The following NELFB variants were observed in gnomAD, a reference collection of about 807,000 sequenced individuals.
NELFB encodes the protein negative elongation factor complex member B.
Under a neutral mutation model 60.2 loss-of-function variants are expected in NELFB, and 34 were observed. That is an observed-to-expected ratio of 0.56 (90% CI 0.43 to 0.75). NELFB has a LOEUF of 0.75. NELFB is among the 30% of genes least tolerant of loss of function. NELFB has a pLI of 0.00. For missense variants in NELFB, 770 were observed against 831.6 expected, an observed-to-expected ratio of 0.93 and a Z score of 0.91; for synonymous variants, 459 against 382.1, an observed-to-expected ratio of 1.20 and a Z score of -2.35.
chr9:137,271,108 G>A (rs772085702), intron 10 of NELFB, among the ~76,000 whole-genome samples: 9 of 152,236 alleles, frequency 5.9e-5, no homozygotes, highest in Non-Finnish European at 1.2e-4. Context: ...CGCAGTCTTG[G>A]GTTCCCCGGA....
intron 4 of NELFB, among the ~76,000 whole-genome samples, chr9:137,257,845 G>T (rs9721495): frequency 0.67 from 100,302 of 148,954 alleles, 34,438 homozygotes; most frequent in Admixed American, 0.77. Context: ...GTCTCACTCT[G>T]TTGCACAGGC....
In NELFB at chr9:137,255,886, GGTTTC is replaced by G; in HGVS notation, c.247-20_247-16del. 6.2e-7 allele frequency: 1 copy of G among 1,611,220 alleles called. No individual in the cohort carries two copies. Among genetic ancestry groups the G allele is most frequent in the Non-Finnish European group, 8.5e-7 (1 of 1,178,044 alleles). On this transcript the variant is annotated splice_polypyrimidine_tract_variant and intron_variant, in intron 1 of 12. Coordinates refer to ENST00000343053, the MANE Select transcript of NELFB (RefSeq NM_015456.5). ...CCCGGGCGCACTGGGCTGCGTTTGA[GGTTTC>G]TCTTGGCTTCCTCAGACAGAGAATG...
chr9:137,267,330 C>T lies in NELFB; in HGVS notation c.1473C>T (p.Arg491=). 1 of 1,610,758 alleles carries T rather than the reference C, an allele frequency of 6.2e-7. No individual in the cohort carries two copies. Among genetic ancestry groups the T allele is most frequent in the Non-Finnish European group, 8.5e-7 (1 of 1,178,704 alleles). ...AGAGGAACAAGAACGCGCTCCTCCG[C>T]CTGCTGCCCGGGCTGGGTAAGTCCT... The change falls in exon 10 of 13, where the codon CGC becomes CGT. Residue 491 remains arginine, a synonymous_variant. Transcript: ENST00000343053.
At position 137,273,194 on chromosome 9, in the gene NELFB, G is replaced by T; in HGVS notation, c.*266G>T. ...GCGTGCTCATTTTCTGTTTTCCTGT[G>T]TTAGGAAAAAACCACCTGTTTTCCA... On this transcript the variant is annotated 3_prime_UTR_variant, in exon 13 of 13. Coordinates refer to ENST00000343053, the MANE Select transcript of NELFB (RefSeq NM_015456.5). 1 of 328,312 alleles carries T rather than the reference G, an allele frequency of 3.0e-6. No homozygotes were observed. Among genetic ancestry groups the T allele is most frequent in the Non-Finnish European group, 5.5e-6 (1 of 181,060 alleles). 20.3% of individuals were successfully genotyped at this position (328,312 alleles called of 1,614,324 possible).
chr9:137,258,897 A>G (rs992415219), intron 4 of NELFB, among the ~76,000 whole-genome samples: 2 of 152,196 alleles, frequency 1.3e-5, no homozygotes, highest in African/African-American at 2.4e-5. Flanking sequence ...ATTATCTTTC[A>G]GCATGTAATT....
At chr9:137,267,899 CATCCTA>C (rs1830539699) in intron 10 of NELFB, among the ~76,000 whole-genome samples, 1 of 152,204 alleles carries the variant, frequency 6.6e-6, no homozygotes, top group African/African-American at 2.4e-5. Context: ...GTCTTTATTT[CATCCTA>C]ACTGGCGAGG....
chr9:137,258,566 G>C (rs1055392775), intron 4 of NELFB, among the ~76,000 whole-genome samples: 1 of 147,988 alleles, frequency 6.8e-6, no homozygotes, highest in East Asian at 2.0e-4. Flanking sequence ...CTCCTGCCTC[G>C]GCCTCTCGAG....
At chr9:137,272,306 C>T (rs1830593464) in intron 11 of NELFB, 84 bp downstream of exon 11, 3 of 1,576,994 alleles carry the variant, frequency 1.9e-6, no homozygotes, top group Non-Finnish European at 2.6e-6. Context: ...CTGTCCCCAG[C>T]CTGGGGCGGA....
Position 137,256,951 on chromosome 9 carries a change from T to C in NELFB, c.638T>C (p.Leu213Pro). ...TTCGGGGACGAGGTTTCCCCACTCC[T>C]GAAGCAGTACATCCTGGAGAAGGAG... Residue 213 changes from leucine (L) to proline (P), a missense_variant, in exon 4 of 13, where the codon CTG becomes CCG. By Grantham distance (98) the Leu-to-Pro change is moderately conservative. Coordinates refer to ENST00000343053, the MANE Select transcript of NELFB (RefSeq NM_015456.5). 6.2e-7 allele frequency: 1 copy of C among 1,614,184 alleles called. No homozygotes were observed. The highest frequency in any genetic ancestry group is 2.2e-5 in the East Asian group (1 of 44,892).
In NELFB at chr9:137,267,073, G is replaced by A. The variant is rs774371265; in HGVS notation, c.1369G>A (p.Glu457Lys). 8 of 1,613,888 alleles carry A rather than the reference G, an allele frequency of 5.0e-6. No homozygotes were observed. Among genetic ancestry groups the A allele is most frequent in the Middle Eastern group, 1.6e-4 (1 of 6,076 alleles). ...AGTCTCATATCCAAACACACTTCCCGAAAGCTTCACTAAGTACGGGCTGTA... is the reference window on the plus strand; with the variant it reads ...AGTCTCATATCCAAACACACTTCCCAAAAGCTTCACTAAGTACGGGCTGTA... The change falls in exon 9 of 13, where the codon GAA becomes AAA. Residue 457 changes from glutamate (E) to lysine (K), a missense_variant. Transcript: ENST00000343053.
chr9:137,257,745 G>A (rs1207069410), intron 4 of NELFB, among the ~76,000 whole-genome samples: 3 of 150,380 alleles, frequency 2.0e-5, no homozygotes, highest in Middle Eastern at 3.5e-3. Flanking sequence ...CAGGTGATCC[G>A]CCCCCCTCGG....
rs1489749122 is a variant in NELFB at position 137,263,237 on chromosome 9, C to T, written c.927+15C>T. 1.9e-6 allele frequency: 3 copies of T among 1,595,142 alleles called. No homozygotes were observed. The highest frequency in any genetic ancestry group is 2.6e-6 in the Non-Finnish European group (3 of 1,168,666). On this transcript the variant is annotated intron_variant, in intron 5 of 12. Coordinates refer to ENST00000343053, the MANE Select transcript of NELFB (RefSeq NM_015456.5). The stretch of plus-strand genomic sequence containing the variant: ...CGTGCCACAAGGTAGCACTGCCCTC[C>T]CTCCTTCCCCCCTACCCTCCTGAAG...
intron 3 of NELFB, 119 bp downstream of exon 3, chr9:137,256,547 G>T: frequency 1.1e-6 from 1 of 890,342 alleles, no homozygotes; most frequent in East Asian, 2.5e-5. Flanking sequence ...CTGCCCAAGT[G>T]CTGTCCATGG....
intron 4 of NELFB, among the ~76,000 whole-genome samples, chr9:137,257,746 C>T (rs1215543671): frequency 4.0e-5 from 6 of 151,718 alleles, no homozygotes; most frequent in Admixed American, 4.0e-4. Context: ...AGGTGATCCG[C>T]CCCCCTCGGC....
intron 5 of NELFB, among the ~76,000 whole-genome samples, chr9:137,263,527 C>G (rs527467655): frequency 6.7e-6 from 1 of 149,504 alleles, no homozygotes; most frequent in South Asian, 2.2e-4. Context: ...CCTGGCCCTC[C>G]TGGCTCCTCT....
chr9:137,257,029 C>T lies in NELFB; in HGVS notation c.716C>T (p.Ser239Phe), dbSNP rs1288772611. The T allele has an allele frequency of 1.2e-6, 2 of 1,612,460 alleles. No individual in the cohort carries two copies. Among genetic ancestry groups the T allele is most frequent in the Non-Finnish European group, 1.7e-6 (2 of 1,178,980 alleles). Residue 239 changes from serine to phenylalanine, a missense_variant, in exon 4 of 13, where the codon TCC (serine) becomes TTC (phenylalanine). Physicochemically the swap from Ser to Phe is radical, Grantham distance 155. Coordinates refer to ENST00000343053, the MANE Select transcript of NELFB (RefSeq NM_015456.5). ...GTCCTGCACAACTTTTTCAGTCCTTCCCCCAAGACCAGGCGCCAGGGCGAG... is the reference window on the plus strand; with the variant it reads ...GTCCTGCACAACTTTTTCAGTCCTTTCCCCAAGACCAGGCGCCAGGGCGAG...
intron 4 of NELFB, among the ~76,000 whole-genome samples, chr9:137,257,682 A>G (rs1027633909): frequency 2.6e-5 from 4 of 151,878 alleles, no homozygotes; most frequent in African/African-American, 7.3e-5. Context: ...TTGTATTTTT[A>G]GTAGAGATGG....
At chr9:137,260,273 A>G (rs1336708050) in intron 4 of NELFB, among the ~76,000 whole-genome samples, 6 of 149,756 alleles carry the variant, frequency 4.0e-5, no homozygotes, top group Non-Finnish European at 7.4e-5. Context: ...GATGGTCTCG[A>G]TCTCCTGACC....
intron 6 of NELFB, among the ~76,000 whole-genome samples, chr9:137,265,605 G>A (rs1421800940): frequency 2.0e-5 from 3 of 151,712 alleles, no homozygotes; most frequent in South Asian, 2.1e-4. Flanking sequence ...AGCCAGGCTG[G>A]TCTCAGTCTC....
Sources: gnomAD v4.1 joint callset for allele counts (sites outside exome capture counted in the v4.1 genomes callset) on GRCh38, gnomAD v4.1.1 for gene constraint, MANE v1.5 for transcripts, NCBI Gene and HGNC (gene_info 2026-07-23, HGNC 2026-07-21) for gene names.